Variants in ME3 observed in about 807,000 individuals in gnomAD.
ME3 encodes the protein malic enzyme 3.
A neutral mutation model predicts 68.9 loss-of-function variants in ME3; 48 were observed. The ratio of observed to expected loss-of-function variants is 0.70; its 90% CI spans 0.55 to 0.89. ME3 has a LOEUF of 0.89. Among genes scored for constraint, ME3 ranks in the 40% least tolerant of loss-of-function variants. The pLI is 0.00. For missense variants in ME3, 675 were observed against 797.4 expected (o/e 0.85, Z 1.85); for synonymous variants, 320 against 318.8 (o/e 1.00, Z -0.04).
intron 4 of ME3, among the ~76,000 whole-genome samples, chr11:86,513,096 G>C (rs941502006): frequency 6.6e-6 from 1 of 152,122 alleles, no homozygotes; most frequent in African/African-American, 2.4e-5. Flanking sequence ...CCAAAGCTCT[G>C]GTGTGGTTAA....
chr11:86,435,510 G>A, the ME3 span: 4 of 152,166 alleles, frequency 2.6e-5, no homozygotes, highest in Admixed American at 2.6e-4. Flanking sequence ...CTGTGAAGAG[G>A]GTCTCTCCTG....
intron 5 of ME3, among the ~76,000 whole-genome samples, chr11:86,507,089 C>T (rs1953137129): frequency 6.6e-6 from 1 of 152,200 alleles, no homozygotes; most frequent in South Asian, 2.1e-4. Flanking sequence ...AAGGTTCTGT[C>T]CCCAACCTGC....
chr11:86,608,743 C>T (rs1942338022), intron 2 of ME3, among the ~76,000 whole-genome samples: 1 of 152,010 alleles, frequency 6.6e-6, no homozygotes, highest in Admixed American at 6.5e-5. Context: ...TACAGTAAGG[C>T]TGAGATGAAA....
intron 2 of ME3, among the ~76,000 whole-genome samples, chr11:86,580,337 T>C (rs1958366480): frequency 6.6e-6 from 1 of 152,190 alleles, no homozygotes; most frequent in African/African-American, 2.4e-5. Flanking sequence ...GCCATTTGGC[T>C]ACCAGGCTTT....
intron 4 of ME3, among the ~76,000 whole-genome samples, chr11:86,537,171 G>A (rs1208260138): frequency 1.3e-5 from 2 of 150,114 alleles, no homozygotes; most frequent in Admixed American, 1.3e-4. Context: ...AGCATTGGGA[G>A]ATACACCTAA....
intron 4 of ME3, among the ~76,000 whole-genome samples, chr11:86,527,634 C>T (rs557785966): frequency 3.7e-4 from 56 of 152,304 alleles, no homozygotes; most frequent in African/African-American, 1.3e-3. Context: ...CAAAGGGAAG[C>T]CCATCAGACT....
At chr11:86,484,526 C>G (rs1370735640) in intron 7 of ME3, among the ~76,000 whole-genome samples, 2 of 152,196 alleles carry the variant, frequency 1.3e-5, no homozygotes, top group African/African-American at 2.4e-5. Flanking sequence ...TCCCGCCCCC[C>G]GCTCCCGGAC....
chr11:86,598,292 A>T (rs975113074), intron 2 of ME3, among the ~76,000 whole-genome samples: 1 of 152,166 alleles, frequency 6.6e-6, no homozygotes, highest in Non-Finnish European at 1.5e-5. Flanking sequence ...ACACCAGGAG[A>T]TTATATCCCG....
intron 2 of ME3, among the ~76,000 whole-genome samples, chr11:86,667,463 T>C (rs147514927): frequency 6.6e-6 from 1 of 152,282 alleles, no homozygotes; most frequent in East Asian, 1.9e-4. Flanking sequence ...AGCAAGAGCA[T>C]TGGGCTGTGA....
intron 7 of ME3, 84 bp from the exon 8 acceptor site, chr11:86,465,284 G>T: frequency 2.0e-6 from 2 of 1,014,810 alleles, no homozygotes; most frequent in Non-Finnish European, 3.1e-6. Context: ...GTGGGGTGGG[G>T]AGGTGCAGGC....
chr11:86,481,526 T>TA (rs1357980846), intron 7 of ME3, among the ~76,000 whole-genome samples: 1 of 152,182 alleles, frequency 6.6e-6, no homozygotes, highest in Admixed American at 6.5e-5. Flanking sequence ...TTAGGAACCA[T>TA]AGGTCAGTAT....
chr11:86,539,709 CTG>C (rs1490390784), intron 4 of ME3, among the ~76,000 whole-genome samples: 3 of 152,206 alleles, frequency 2.0e-5, no homozygotes, highest in African/African-American at 4.8e-5. Context: ...ATCATATACA[CTG>C]TGTGAAGCTG....
chr11:86,442,914 A>G (rs539702342), exon 14 of ME3: 1 of 1,610,976 alleles, frequency 6.2e-7, no homozygotes, highest in African/African-American at 1.3e-5. Context: ...CTTCCTGGGC[A>G]ATTTGCTGGG....
At chr11:86,642,618 C>T (rs576029501) in intron 2 of ME3, among the ~76,000 whole-genome samples, 1 of 152,208 alleles carries the variant, frequency 6.6e-6, no homozygotes, top group African/African-American at 2.4e-5. Flanking sequence ...GGAATGGATC[C>T]CTTAACCCTG....
chr11:86,572,874 G>A (rs1413469240), intron 2 of ME3, among the ~76,000 whole-genome samples: 1 of 152,142 alleles, frequency 6.6e-6, no homozygotes, highest in Non-Finnish European at 1.5e-5. Flanking sequence ...CACAATGGTT[G>A]AACTAATTTG....
intron 10 of ME3, among the ~76,000 whole-genome samples, chr11:86,449,145 T>A (rs770338488): frequency 6.6e-6 from 1 of 152,184 alleles, no homozygotes; most frequent in African/African-American, 2.4e-5. Context: ...CTTATGTACT[T>A]CCTCTGTTCC....
chr11:86,604,374 A>T (rs1961288382), intron 2 of ME3, among the ~76,000 whole-genome samples: 1 of 152,204 alleles, frequency 6.6e-6, no homozygotes, highest in Non-Finnish European at 1.5e-5. Flanking sequence ...GTCCATTCAG[A>T]TGGTTGTGGG....
chr11:86,640,458 G>A (rs10501627), intron 2 of ME3, among the ~76,000 whole-genome samples: 1 of 152,070 alleles, frequency 6.6e-6, no homozygotes, highest in African/African-American at 2.4e-5. Flanking sequence ...CCCAATATTT[G>A]AACAACAGCT....
At chr11:86,459,017 C>T (rs370760673) in intron 8 of ME3, among the ~76,000 whole-genome samples, 3 of 152,192 alleles carry the variant, frequency 2.0e-5, no homozygotes, top group Admixed American at 6.5e-5. Flanking sequence ...GGGTGACCAC[C>T]GTCCAGTGTC....
Sources: allele counts gnomAD v4.1 joint callset (sites outside exome capture counted in the v4.1 genomes callset), GRCh38; gene constraint gnomAD v4.1.1; transcripts MANE v1.5; gene names NCBI Gene and HGNC (gene_info 2026-07-23, HGNC 2026-07-21).